The following MYO3A variants were observed in gnomAD, a reference collection of about 807,000 sequenced individuals.
MYO3A encodes the protein myosin-IIIa.
In MYO3A, 180 loss-of-function variants were observed where a neutral mutation model predicts 192.7. That is an observed-to-expected ratio of 0.93 (90% CI 0.83 to 1.06). The LOEUF is 1.06. MYO3A is among the 50% of genes least tolerant of loss of function. The pLI is 0.00. For missense variants in MYO3A, 1,896 were observed against 1,905.0 expected (o/e 1.00, Z 0.09); for synonymous variants, 628 against 645.3 (o/e 0.97, Z 0.41).
At chr10:25,967,642 A>T (rs916324768) in intron 4 of MYO3A, among the ~76,000 whole-genome samples, 2 of 152,238 alleles carry the variant, frequency 1.3e-5, no homozygotes, top group African/African-American at 4.8e-5. Flanking sequence ...CAGACCCAGA[A>T]GTAACAGAGA....
At chr10:26,174,740 A>G (rs972357612) in intron 30 of MYO3A, among the ~76,000 whole-genome samples, 183 bp downstream of exon 30, 3 of 152,170 alleles carry the variant, frequency 2.0e-5, no homozygotes, top group African/African-American at 7.2e-5. Flanking sequence ...AACCCAATTT[A>G]CCGTGGTAAC....
intron 4 of MYO3A, among the ~76,000 whole-genome samples, chr10:25,962,270 A>C (rs556611431): frequency 1.3e-5 from 2 of 152,010 alleles, no homozygotes; most frequent in Admixed American, 6.6e-5. Context: ...TTATTTTATA[A>C]GTTTTTGAGC....
chr10:26,166,826 G>C (rs572990134), intron 27 of MYO3A, among the ~76,000 whole-genome samples: 1 of 152,002 alleles, frequency 6.6e-6, no homozygotes, highest in Non-Finnish European at 1.5e-5. Flanking sequence ...TACTAGACTC[G>C]CTATATGTAT....
chr10:25,982,748 ACAC>A (rs766189810), intron 4 of MYO3A, among the ~76,000 whole-genome samples: 8 of 152,206 alleles, frequency 5.3e-5, no homozygotes, highest in Non-Finnish European at 5.9e-5. Flanking sequence ...AATGGAGAGA[ACAC>A]CATATCAAGG....
intron 18 of MYO3A, among the ~76,000 whole-genome samples, 200 bp from the exon 19 acceptor site, chr10:26,125,198 T>C (rs755357920): frequency 1.2e-4 from 18 of 152,194 alleles, no homozygotes; most frequent in Non-Finnish European, 8.8e-5. Context: ...TAACCTAAGT[T>C]TAACCAGCTG....
chr10:26,169,132 A>C lies in MYO3A; in HGVS notation c.3274+258A>C, dbSNP rs1361713. ...TGGAACACAATTGACCTATTGTGGA[A>C]GATATAGCAAATAATTAATTATAGA... On this transcript the variant is annotated intron_variant, in intron 28 of 34. Coordinates refer to ENST00000642920, the MANE Select transcript of MYO3A (RefSeq NM_017433.5). Among the ~76,000 whole-genome samples the C allele has an allele frequency of 0.14, 22,022 of 152,220 alleles. 1,801 individuals are homozygous for C. Among genetic ancestry groups the C allele is most frequent in the East Asian group, 0.31 (1,597 of 5,180 alleles).
In MYO3A at chr10:26,141,581, G is replaced by A. The variant is rs192457427; in HGVS notation, c.2263-1867G>A. Among the ~76,000 whole-genome samples, 810 of 152,214 alleles carry A rather than the reference G, an allele frequency of 5.3e-3. 2 individuals are homozygous for A. The highest frequency in any genetic ancestry group is 8.0e-3 in the Non-Finnish European group (541 of 68,000). On this transcript the variant is annotated intron_variant, in intron 20 of 34. Coordinates refer to ENST00000642920, the MANE Select transcript of MYO3A (RefSeq NM_017433.5). The stretch of plus-strand genomic sequence containing the variant: ...ATGCATTAGTTTAGACCTTAACCTC[G>A]TGTACTTTCTGTATAAAACAGACAA...
chr10:26,165,921 T>C, intron 26 of MYO3A, 146 bp from the exon 27 acceptor site: 2 of 770,772 alleles, frequency 2.6e-6, no homozygotes, highest in South Asian at 2.8e-5. Flanking sequence ...TACTCCGAAG[T>C]TGTTCTGAGG....
chr10:26,121,163 T>C (rs1383252637), intron 18 of MYO3A, among the ~76,000 whole-genome samples: 1 of 151,362 alleles, frequency 6.6e-6, no homozygotes, highest in Non-Finnish European at 1.5e-5. Context: ...TTACAAGTAA[T>C]AAAGACCTGT....
intron 31 of MYO3A, among the ~76,000 whole-genome samples, chr10:26,181,143 G>A (rs1247754781): frequency 1.3e-5 from 2 of 152,212 alleles, no homozygotes; most frequent in Non-Finnish European, 2.9e-5. Context: ...AAAAGAAATG[G>A]ATGGATAATG....
At chr10:25,971,655 A>C (rs1838654725) in intron 4 of MYO3A, among the ~76,000 whole-genome samples, 1 of 152,192 alleles carries the variant, frequency 6.6e-6, no homozygotes, top group Non-Finnish European at 1.5e-5. Context: ...TAGCACCTTG[A>C]ATATGTCATC....
Position 26,173,664 on chromosome 10 carries a change from G to A in MYO3A, c.3400G>A (p.Glu1134Lys), listed in dbSNP as rs768158636. The change falls in exon 30 of 35, where the codon GAA becomes AAA. Residue 1134 changes from glutamate to lysine, a missense_variant and splice_region_variant. By Grantham distance (56) the Glu-to-Lys change is moderately conservative. Coordinates refer to ENST00000642920, the MANE Select transcript of MYO3A (RefSeq NM_017433.5). ...DYKKNFENTR[E>K]SFVKKQAENA... ...TCAAAGATAATATATTTTACACAGG[G>A]AATCTTTCGTGAAGAAACAAGCAGA... 1.2e-6 allele frequency: 2 copies of A among 1,612,372 alleles called. No homozygotes were observed. Among genetic ancestry groups the A allele is most frequent in the East Asian group, 2.2e-5 (1 of 44,852 alleles).
Position 26,212,011 on chromosome 10 carries a change from G to T in MYO3A, c.*48G>T, listed in dbSNP as rs760663094. On this transcript the variant is annotated 3_prime_UTR_variant, in exon 35 of 35. Coordinates refer to ENST00000642920, the MANE Select transcript of MYO3A (RefSeq NM_017433.5). Reference sequence around the variant, plus strand: ...CCGTCGGAAGGCGCTGGAGCCTGCGGGGCAGCAGGGGCCAAGCAGGCACTC... The same window carrying T: ...CCGTCGGAAGGCGCTGGAGCCTGCGTGGCAGCAGGGGCCAAGCAGGCACTC... 6.8e-5 allele frequency: 109 copies of T among 1,594,052 alleles called. No homozygotes were observed. The highest frequency in any genetic ancestry group is 9.3e-5 in the Non-Finnish European group (108 of 1,167,348).
chr10:26,194,792 G>T (rs1245095572), intron 32 of MYO3A, among the ~76,000 whole-genome samples: 6 of 152,048 alleles, frequency 3.9e-5, no homozygotes, highest in South Asian at 2.1e-4. Flanking sequence ...AATCTTGATC[G>T]CTGGCTTAGA....
intron 15 of MYO3A, among the ~76,000 whole-genome samples, chr10:26,093,737 G>A (rs1376617439): frequency 6.6e-6 from 1 of 152,082 alleles, no homozygotes; most frequent in Non-Finnish European, 1.5e-5. Flanking sequence ...AGAGCTCTAC[G>A]TGATTGACAC....
chr10:26,107,059 T>G (rs1299060943), intron 17 of MYO3A, among the ~76,000 whole-genome samples: 1 of 152,084 alleles, frequency 6.6e-6, no homozygotes, highest in African/African-American at 2.4e-5. Context: ...TTGACACACA[T>G]ACATGAGTCT....
chr10:26,068,995 A>G, intron 12 of MYO3A, 111 bp downstream of exon 12: 1 of 746,872 alleles, frequency 1.3e-6, no homozygotes. Context: ...TTGAATAAAC[A>G]GTTACATAAT....
At chr10:26,082,118 T>C (rs1443680301) in intron 14 of MYO3A, among the ~76,000 whole-genome samples, 4 of 152,236 alleles carry the variant, frequency 2.6e-5, no homozygotes, top group Non-Finnish European at 5.9e-5. Context: ...ATTGTTTTTT[T>C]CTGTTTCTGT....
At chr10:26,026,324 GT>G in intron 9 of MYO3A, 52 bp from the exon 10 acceptor site, 1 of 1,595,182 alleles carries the variant, frequency 6.3e-7, no homozygotes, top group Non-Finnish European at 8.6e-7. Context: ...ATGAATAATA[GT>G]TTCAAAACTC....
Sources: gnomAD v4.1 joint callset for allele counts (sites outside exome capture counted in the v4.1 genomes callset) on GRCh38, gnomAD v4.1.1 for gene constraint, MANE v1.5 for transcripts, NCBI Gene and HGNC (gene_info 2026-07-23, HGNC 2026-07-21) for gene names.